FHL5: variants seen among roughly 807,000 people sequenced by gnomAD.
FHL5 encodes four and a half LIM domains 5, also known as four and a half LIM domains protein 5.
Under a neutral mutation model 32.0 loss-of-function variants are expected in FHL5, and 33 were observed. That is an observed-to-expected ratio of 1.03 (90% CI 0.78 to 1.38). The LOEUF is 1.38. Ranked by LOEUF, FHL5 falls within the 40% of genes most tolerant of loss-of-function variation. The pLI is 0.00. For missense variants in FHL5, 336 were observed against 343.9 expected (o/e 0.98, Z 0.18); for synonymous variants, 114 against 113.6 (o/e 1.00, Z -0.02).
At chr6:96,574,996 T>G (rs1770555662) in intron 1 of FHL5, among the ~76,000 whole-genome samples, 1 of 152,194 alleles carries the variant, frequency 6.6e-6, no homozygotes, top group Non-Finnish European at 1.5e-5. Context: ...CGAAAACACT[T>G]AAAATAACAA....
chr6:96,615,198 A>G (rs1771491329), intron 5 of FHL5, among the ~76,000 whole-genome samples: 1 of 152,212 alleles, frequency 6.6e-6, no homozygotes, highest in Admixed American at 6.5e-5. Context: ...TTTGCAGCTA[A>G]GAAAACTTAA....
chr6:96,600,227 T>A (rs962914323), intron 1 of FHL5, among the ~76,000 whole-genome samples: 10 of 152,224 alleles, frequency 6.6e-5, no homozygotes, highest in African/African-American at 2.4e-4. Flanking sequence ...CAAAAGCTTG[T>A]TACTCAATTC....
intron 1 of FHL5, among the ~76,000 whole-genome samples, chr6:96,568,957 T>C (rs1161964561): frequency 2.6e-5 from 4 of 151,864 alleles, no homozygotes; most frequent in Non-Finnish European, 5.9e-5. Flanking sequence ...ATTTTATTTA[T>C]GTATGCTTTT....
Position 96,610,667 on chromosome 6 carries a change from G to A in FHL5, c.600G>A (p.Gln200=). Residue 200 remains glutamine (Q), a synonymous_variant, in exon 5 of 6, where the codon CAG becomes CAA. Transcript: ENST00000450218. ...SGCRKDLCEE[Q]FMSRDDYPFC... ...GTAGGAAAGATCTCTGTGAAGAACAGTTCATGTCCAGAGACGACTATCCAT... is the reference window on the plus strand; with the variant it reads ...GTAGGAAAGATCTCTGTGAAGAACAATTCATGTCCAGAGACGACTATCCAT... 1 of 1,613,248 alleles carries A rather than the reference G, an allele frequency of 6.2e-7. No individual in the cohort carries two copies. The highest frequency in any genetic ancestry group is 8.5e-7 in the Non-Finnish European group (1 of 1,179,198).
intron 2 of FHL5, among the ~76,000 whole-genome samples, chr6:96,604,003 T>G (rs1182202731): frequency 6.6e-6 from 1 of 152,198 alleles, no homozygotes; most frequent in Non-Finnish European, 1.5e-5. Context: ...ATGCTAAAGA[T>G]TAAAGGGGTT....
intron 1 of FHL5, among the ~76,000 whole-genome samples, chr6:96,583,946 T>C (rs1481863490): frequency 2.0e-5 from 3 of 152,192 alleles, no homozygotes; most frequent in Non-Finnish European, 4.4e-5. Flanking sequence ...ATTCATAGAA[T>C]TCTTTTCGTA....
chr6:96,605,729 T>C (rs1413675156), intron 3 of FHL5, among the ~76,000 whole-genome samples, 173 bp from the exon 4 acceptor site: 1 of 152,238 alleles, frequency 6.6e-6, no homozygotes, highest in Non-Finnish European at 1.5e-5. Flanking sequence ...TTAACCATTT[T>C]TTTTTCTCCA....
In FHL5 at chr6:96,613,619, T is replaced by C. The variant is rs537722161; in HGVS notation, c.692-1990T>C. Among the ~76,000 whole-genome samples the C allele has an allele frequency of 2.8e-4, 42 of 152,370 alleles. 1 individual carries two copies. The South Asian group carries it at 8.3e-3, about 30-fold the overall frequency. ...CAAGGAAAAGGAATTTCAAATGTTG[T>C]GGCTTCTTCAGAGAGTGATGCTGAT... On this transcript the variant is annotated intron_variant, in intron 5 of 5. Transcript: ENST00000450218.
intron 1 of FHL5, among the ~76,000 whole-genome samples, chr6:96,582,735 A>G (rs59043091): frequency 0.029 from 4,450 of 152,188 alleles, 187 homozygotes; most frequent in African/African-American, 0.1. Context: ...TTCCACCACA[A>G]TTCTATGATG....
At chr6:96,615,261 C>T (rs180749265) in intron 5 of FHL5, among the ~76,000 whole-genome samples, 25 of 152,346 alleles carry the variant, frequency 1.6e-4, no homozygotes, top group Admixed American at 8.5e-4. Context: ...TCTCTGACTT[C>T]ACAACCTATA....
Position 96,615,761 on chromosome 6 carries a change from A to C in FHL5, c.844A>C (p.Thr282Pro). 2 of 1,608,818 alleles carry C rather than the reference A, an allele frequency of 1.2e-6. No homozygotes were observed. The highest frequency in any genetic ancestry group is 1.1e-5 in the South Asian group (1 of 90,054). ...CCAAAAATGTGGCTCCGGAATGGAC[A>C]CTGACATCTAGGAGACAGTCCTTGC... ...FCQKCGSGMD[T>P]DI Residue 282 changes from threonine (T) to proline (P), a missense_variant, in exon 6 of 6, where the codon ACT becomes CCT. Thr to Pro is a conservative substitution (Grantham distance 38). Transcript: ENST00000450218.
intron 1 of FHL5, among the ~76,000 whole-genome samples, chr6:96,596,614 T>C (rs1022350801): frequency 1.8e-5 from 1 of 54,090 alleles, no homozygotes; most frequent in African/African-American, 1.3e-4. Context: ...GTATTTTATC[T>C]TTTTTTTTCA....
chr6:96,613,551 C>T (rs997553252), intron 5 of FHL5, among the ~76,000 whole-genome samples: 7 of 152,204 alleles, frequency 4.6e-5, no homozygotes, highest in African/African-American at 1.4e-4. Context: ...ATTTATAAAA[C>T]AAGCAGTTGA....
chr6:96,599,031 T>C (rs1582473806), intron 1 of FHL5, among the ~76,000 whole-genome samples: 1 of 151,842 alleles, frequency 6.6e-6, no homozygotes, highest in Non-Finnish European at 1.5e-5. Context: ...TCATTCTGCA[T>C]AGCATAGTAA....
intron 1 of FHL5, among the ~76,000 whole-genome samples, chr6:96,571,718 G>A (rs1770482992): frequency 6.6e-6 from 1 of 152,114 alleles, no homozygotes; most frequent in South Asian, 2.1e-4. Context: ...TGACTCCAGG[G>A]AATAAGGAGT....
At chr6:96,597,199 T>C (rs530691168) in intron 1 of FHL5, among the ~76,000 whole-genome samples, 2 of 151,698 alleles carry the variant, frequency 1.3e-5, no homozygotes, top group Admixed American at 6.6e-5. Flanking sequence ...ATATATATAA[T>C]ATATACCAAT....
rs748562049 is a variant in FHL5 at position 96,615,763 on chromosome 6, T to A, written c.846T>A (p.Thr282=). 1 of 1,608,858 alleles carries A rather than the reference T, an allele frequency of 6.2e-7. No individual in the cohort carries two copies. The highest frequency in any genetic ancestry group is 8.5e-7 in the Non-Finnish European group (1 of 1,177,444). Residue 282 remains threonine (T), a synonymous_variant, in exon 6 of 6, where the codon ACT becomes ACA. Transcript: ENST00000450218. ...FCQKCGSGMD[T]DI Reference sequence around the variant, plus strand: ...AAAAATGTGGCTCCGGAATGGACACTGACATCTAGGAGACAGTCCTTGCCC... The same window carrying A: ...AAAAATGTGGCTCCGGAATGGACACAGACATCTAGGAGACAGTCCTTGCCC...
chr6:96,602,427 T>TTC (rs1562062459), intron 1 of FHL5, among the ~76,000 whole-genome samples: 1 of 38,696 alleles, frequency 2.6e-5, no homozygotes, highest in African/African-American at 1.4e-4. Context: ...GCGTTGTTTC[T>TTC]TTTTTTTTTT....
rs149861822 is a variant in FHL5, at chr6:96,604,239, C to G, written c.159+467C>G. 2.6e-4 allele frequency among the ~76,000 whole-genome samples: 40 copies of G among 151,644 alleles called. No individual in the cohort carries two copies. In the East Asian group the frequency reaches 6.4e-3, roughly 24 times the overall value. ...ACCTACCACCCCTTCCTCCGACATGCTTATTCTTTCTTTCTTTCTTTCTTT... is the reference window on the plus strand; with the variant it reads ...ACCTACCACCCCTTCCTCCGACATGGTTATTCTTTCTTTCTTTCTTTCTTT... On this transcript the variant is annotated intron_variant, in intron 2 of 5. Transcript: ENST00000450218.
Sources: allele counts gnomAD v4.1 joint callset (sites outside exome capture counted in the v4.1 genomes callset), GRCh38; gene constraint gnomAD v4.1.1; transcripts MANE v1.5; gene names NCBI Gene and HGNC (gene_info 2026-07-23, HGNC 2026-07-21).